The following CLASP2 variants were observed in gnomAD, a reference collection of about 807,000 sequenced individuals.
CLASP2 encodes the protein CLIP-associating protein 2.
Under a neutral mutation model 194.4 loss-of-function variants are expected in CLASP2, and 47 were observed. That is an observed-to-expected ratio of 0.24 (90% CI 0.19 to 0.31). CLASP2 has a LOEUF of 0.31. CLASP2 is among the 10% of genes least tolerant of loss of function. The pLI is 1.00. For missense variants in CLASP2, 1,445 were observed against 1,823.6 expected (o/e 0.79, Z 3.78); for synonymous variants, 619 against 633.5 (o/e 0.98, Z 0.34).
At chr3:33,570,275 G>A (rs114151351) in intron 26 of CLASP2, among the ~76,000 whole-genome samples, 1 of 152,174 alleles carries the variant, frequency 6.6e-6, no homozygotes, top group African/African-American at 2.4e-5. Flanking sequence ...CCAAACTATG[G>A]CTGGAACCAC....
intron 18 of CLASP2, 182 bp downstream of exon 18, chr3:33,602,770 G>C (rs2072626877): frequency 1.1e-5 from 8 of 706,280 alleles, no homozygotes; most frequent in Middle Eastern, 2.3e-4. Flanking sequence ...GAGAACAAGG[G>C]AAAAGGAGAA....
intron 34 of CLASP2, among the ~76,000 whole-genome samples, chr3:33,521,973 A>T (rs529092968): frequency 1.3e-5 from 2 of 151,556 alleles, no homozygotes; most frequent in South Asian, 4.2e-4. Context: ...GGCATGAAAA[A>T]AGAACCTTAT....
Position 33,697,265 on chromosome 3 carries a change from T to A in CLASP2, c.196-332A>T, listed in dbSNP as rs1456897448. On this transcript the variant is annotated intron_variant, in intron 1 of 38. Coordinates refer to ENST00000682230, the MANE Select transcript of CLASP2 (RefSeq NM_001365631.1). Reference sequence around the variant, plus strand: ...TGACAGGGATAAATTCTAACAAATGTATCATCAGGTAATTTTGTTATTGTG... The same window carrying A: ...TGACAGGGATAAATTCTAACAAATGAATCATCAGGTAATTTTGTTATTGTG... 2.0e-5 allele frequency among the ~76,000 whole-genome samples: 3 copies of A among 152,190 alleles called. No individual in the cohort carries two copies. The East Asian group carries it at 5.8e-4, about 29-fold the overall frequency.
chr3:33,633,779 T>C (rs1233546026), intron 8 of CLASP2, among the ~76,000 whole-genome samples: 11 of 152,086 alleles, frequency 7.2e-5, no homozygotes, highest in Admixed American at 5.2e-4. Flanking sequence ...TAATTAAACA[T>C]ATTTAAGAAC....
chr3:33,696,939 G>T lies in CLASP2; in HGVS notation c.196-6C>A, dbSNP rs573608313. The T allele has an allele frequency of 5.4e-6, 8 of 1,495,194 alleles. No individual in the cohort carries two copies. Among genetic ancestry groups the T allele is most frequent in the Non-Finnish European group, 7.4e-6 (8 of 1,088,094 alleles). 92.6% of individuals were successfully genotyped at this position (1,495,194 alleles called of 1,614,324 possible). A position where few individuals can be genotyped will look rare whatever the true frequency, so the allele number is the denominator to read the frequency against. On this transcript the variant is annotated splice_polypyrimidine_tract_variant and splice_region_variant and intron_variant, in intron 1 of 38. Coordinates refer to ENST00000682230, the MANE Select transcript of CLASP2 (RefSeq NM_001365631.1). ...TCCAATCCCATTAATGATACCTACAGATAAAAAGGGATTTTAATGAATATA... is the reference window on the plus strand; with the variant it reads ...TCCAATCCCATTAATGATACCTACATATAAAAAGGGATTTTAATGAATATA...
At chr3:33,586,431 C>A (rs1181580671) in intron 21 of CLASP2, among the ~76,000 whole-genome samples, 1 of 152,068 alleles carries the variant, frequency 6.6e-6, no homozygotes, top group Non-Finnish European at 1.5e-5. Flanking sequence ...CCACGCCTGG[C>A]CTCTTTTCAA....
intron 38 of CLASP2, among the ~76,000 whole-genome samples, chr3:33,501,305 C>T (rs2046796267): frequency 6.6e-6 from 1 of 152,086 alleles, no homozygotes; most frequent in Non-Finnish European, 1.5e-5. Flanking sequence ...TATATAACCA[C>T]AACAGTCTAT....
At chr3:33,597,267 A>G (rs995004668) in intron 18 of CLASP2, among the ~76,000 whole-genome samples, 2 of 152,020 alleles carry the variant, frequency 1.3e-5, no homozygotes, top group African/African-American at 4.8e-5. Context: ...GAGATGTCCC[A>G]TAGAGAAAAT....
intron 9 of CLASP2, chr3:33,627,306 CA>C: frequency 2.0e-6 from 1 of 491,652 alleles, no homozygotes; most frequent in Non-Finnish European, 3.7e-6. Flanking sequence ...TGAATAACTT[CA>C]AATATGCTCT....
In CLASP2 at chr3:33,544,679, G is replaced by T. The variant is rs1202346051; in HGVS notation, c.3297+19C>A. 8.1e-6 allele frequency: 13 copies of T among 1,600,620 alleles called. No homozygotes were observed. The East Asian group carries it at 2.7e-4, about 33-fold the overall frequency. On this transcript the variant is annotated intron_variant, in intron 31 of 38. Transcript: ENST00000682230. The stretch of plus-strand genomic sequence containing the variant: ...AACCATCACATTATATGATAGCCAA[G>T]AAAATAAGTAACAATTACCTGGGTT...
At chr3:33,568,674 C>A (rs971879338) in intron 26 of CLASP2, among the ~76,000 whole-genome samples, 1 of 151,652 alleles carries the variant, frequency 6.6e-6, no homozygotes, top group African/African-American at 2.4e-5. Flanking sequence ...GTTAAGGGTG[C>A]CTTCATGCTA....
chr3:33,581,973 A>G, intron 22 of CLASP2, 45 bp from the exon 23 acceptor site: 2 of 1,379,072 alleles, frequency 1.5e-6, no homozygotes, highest in Non-Finnish European at 2.1e-6. Context: ...GAGAAAACAG[A>G]ACAGAGTTTG....
At chr3:33,531,065 CCT>C (rs2056183822) in intron 34 of CLASP2, among the ~76,000 whole-genome samples, 1 of 152,090 alleles carries the variant, frequency 6.6e-6, no homozygotes, top group African/African-American at 2.4e-5. Flanking sequence ...CATACTTCTC[CCT>C]GATTTCAAAA....
At chr3:33,696,733 T>C in intron 2 of CLASP2, 122 bp downstream of exon 2, 2 of 747,316 alleles carry the variant, frequency 2.7e-6, no homozygotes, top group Non-Finnish European at 4.5e-6. Context: ...CCCAAAGTGC[T>C]GGGATTACAG....
chr3:33,695,833 T>C (rs2091836983), intron 2 of CLASP2, among the ~76,000 whole-genome samples: 1 of 152,196 alleles, frequency 6.6e-6, no homozygotes, highest in Admixed American at 6.5e-5. Flanking sequence ...GCTACCCTTC[T>C]ATATGCTATA....
intron 34 of CLASP2, among the ~76,000 whole-genome samples, chr3:33,527,948 G>A (rs1257007277): frequency 2.0e-5 from 3 of 152,078 alleles, no homozygotes; most frequent in Non-Finnish European, 4.4e-5. Flanking sequence ...GGGTGACAGA[G>A]CGAGACTGTC....
At chr3:33,520,820 T>TACACACACACAC (rs57151303) in intron 34 of CLASP2, among the ~76,000 whole-genome samples, 7 of 142,528 alleles carry the variant, frequency 4.9e-5, no homozygotes, top group South Asian at 4.8e-4. Context: ...TGTAAATCTC[T>TACACACACACAC]ACACACACAC....
chr3:33,684,335 A>T, intron 6 of CLASP2, 24 bp downstream of exon 6: 2 of 1,412,396 alleles, frequency 1.4e-6, no homozygotes, highest in Non-Finnish European at 1.9e-6. Context: ...AAAAAAAAAA[A>T]GAACCAAATT....
At chr3:33,677,954 T>C (rs55829218) in intron 6 of CLASP2, among the ~76,000 whole-genome samples, 2 of 134,728 alleles carry the variant, frequency 1.5e-5, no homozygotes, top group African/African-American at 2.7e-5. Flanking sequence ...AAGCTGGAGA[T>C]GAAAAACTTA....
Sources: gnomAD v4.1 joint callset for allele counts (sites outside exome capture counted in the v4.1 genomes callset) on GRCh38, gnomAD v4.1.1 for gene constraint, MANE v1.5 for transcripts, NCBI Gene and HGNC (gene_info 2026-07-23, HGNC 2026-07-21) for gene names.